The following ROR1 variants were observed in gnomAD, a reference collection of about 807,000 sequenced individuals.
The protein encoded by ROR1 is ROR family WNT receptor 1, also known as inactive tyrosine-protein kinase transmembrane receptor ROR1.
In ROR1, 19 loss-of-function variants were observed where a neutral mutation model predicts 78.8. The ratio of observed to expected loss-of-function variants is 0.24; its 90% CI spans 0.17 to 0.35. ROR1 has a LOEUF of 0.35. Among genes scored for constraint, ROR1 ranks in the 10% least tolerant of loss-of-function variants. ROR1 has a pLI of 1.00. For missense variants in ROR1, 917 were observed against 1,177.8 expected (o/e 0.78, Z 3.24); for synonymous variants, 386 against 433.6 (o/e 0.89, Z 1.36).
chr1:64,131,539 G>A (rs965417485), intron 4 of ROR1, among the ~76,000 whole-genome samples: 1 of 55,060 alleles, frequency 1.8e-5, no homozygotes, highest in Non-Finnish European at 3.4e-5. Context: ...TGGCCCTTGT[G>A]TAAATGATAT....
chr1:63,830,200 G>C (rs1188900305), intron 1 of ROR1, among the ~76,000 whole-genome samples: 2 of 152,132 alleles, frequency 1.3e-5, no homozygotes, highest in Admixed American at 1.3e-4. Flanking sequence ...GTCCCAGAGA[G>C]TGTCACAGTA....
intron 1 of ROR1, among the ~76,000 whole-genome samples, chr1:63,860,739 A>G (rs922197500): frequency 2.7e-5 from 4 of 149,142 alleles, no homozygotes; most frequent in Non-Finnish European, 5.9e-5. Context: ...ACTGCACTCC[A>G]GCCTGGGCAA....
At chr1:63,980,707 A>G (rs1009403853) in intron 1 of ROR1, among the ~76,000 whole-genome samples, 2 of 152,214 alleles carry the variant, frequency 1.3e-5, no homozygotes, top group Non-Finnish European at 2.9e-5. Context: ...ACCTTAGAAA[A>G]TAGGGCTTGG....
chr1:64,081,168 C>T (rs915314937), intron 4 of ROR1, among the ~76,000 whole-genome samples: 12 of 152,170 alleles, frequency 7.9e-5, no homozygotes, highest in African/African-American at 2.4e-4. Flanking sequence ...TGAGATTTCC[C>T]TTCTCATCCC....
At chr1:64,163,681 G>A (rs527407223) in intron 8 of ROR1, among the ~76,000 whole-genome samples, 49 of 152,132 alleles carry the variant, frequency 3.2e-4, no homozygotes, top group Middle Eastern at 3.4e-3. Context: ...TCATCTCTCC[G>A]TTTTCCTTTC....
At chr1:63,930,904 A>G (rs1300658424) in intron 1 of ROR1, among the ~76,000 whole-genome samples, 1 of 152,184 alleles carries the variant, frequency 6.6e-6, no homozygotes. Context: ...AATGTTAACT[A>G]TCCATCCTCA....
chr1:64,172,865 A>G (rs1650278667), intron 8 of ROR1, among the ~76,000 whole-genome samples: 1 of 152,232 alleles, frequency 6.6e-6, no homozygotes, highest in African/African-American at 2.4e-5. Flanking sequence ...TTACTAAAAT[A>G]TAATTTACAA....
chr1:64,021,162 C>G (rs59111973), intron 2 of ROR1, among the ~76,000 whole-genome samples: 4,846 of 152,182 alleles, frequency 0.032, 275 homozygotes, highest in African/African-American at 0.11. Flanking sequence ...TCTGTGGGCC[C>G]AAAGTCAGAC....
chr1:64,174,361 C>G (rs1339481817), intron 8 of ROR1, among the ~76,000 whole-genome samples: 1 of 152,092 alleles, frequency 6.6e-6, no homozygotes, highest in Non-Finnish European at 1.5e-5. Flanking sequence ...TTATCTGGCA[C>G]AAAGTAAGTG....
intron 4 of ROR1, among the ~76,000 whole-genome samples, chr1:64,067,263 T>A (rs1407429305): frequency 6.6e-6 from 1 of 151,554 alleles, no homozygotes; most frequent in Non-Finnish European, 1.5e-5. Context: ...TGTGGGAGGA[T>A]CATGAGCCCA....
chr1:64,070,715 C>G (rs530106869), intron 4 of ROR1, among the ~76,000 whole-genome samples: 1 of 152,300 alleles, frequency 6.6e-6, no homozygotes, highest in African/African-American at 2.4e-5. Context: ...AGTGATGGAG[C>G]AGCCACTGTG....
At chr1:63,858,681 C>T (rs962958268) in intron 1 of ROR1, among the ~76,000 whole-genome samples, 4 of 152,100 alleles carry the variant, frequency 2.6e-5, no homozygotes, top group Non-Finnish European at 5.9e-5. Context: ...GTATTTTCTT[C>T]ACTTCCCTGA....
intron 1 of ROR1, among the ~76,000 whole-genome samples, chr1:64,004,818 C>G (rs550884841): frequency 1.3e-5 from 2 of 152,214 alleles, no homozygotes; most frequent in South Asian, 2.1e-4. Context: ...AATACCAAAA[C>G]CTTATGGTTT....
intron 1 of ROR1, among the ~76,000 whole-genome samples, chr1:63,851,816 C>T (rs1046441985): frequency 6.6e-6 from 1 of 152,192 alleles, no homozygotes; most frequent in Non-Finnish European, 1.5e-5. Flanking sequence ...TGTAAATAAT[C>T]CTATAATCCT....
At chr1:64,130,682 T>A (rs558647477) in intron 4 of ROR1, among the ~76,000 whole-genome samples, 1 of 152,228 alleles carries the variant, frequency 6.6e-6, no homozygotes, top group Non-Finnish European at 1.5e-5. Context: ...TAGGTTGGAA[T>A]AGGAGGTAAC....
Position 64,034,069 on chromosome 1 carries a change from A to C in ROR1, c.164-15622A>C, listed in dbSNP as rs141724768. 1.4e-3 allele frequency among the ~76,000 whole-genome samples: 215 copies of C among 152,266 alleles called. 2 individuals are homozygous for C. Among genetic ancestry groups the C allele is most frequent in the East Asian group, 3.5e-3 (18 of 5,184 alleles). Reference sequence around the variant, plus strand: ...CAAGTAGGGATGCTGGTTGGCTCATAGTTTACTTCTTGAAGACTTCTAATT... The same window carrying C: ...CAAGTAGGGATGCTGGTTGGCTCATCGTTTACTTCTTGAAGACTTCTAATT... On this transcript the variant is annotated intron_variant, in intron 2 of 8. Transcript: ENST00000371079.
intron 2 of ROR1, among the ~76,000 whole-genome samples, chr1:64,016,958 C>T (rs1646525907): frequency 6.6e-6 from 1 of 151,776 alleles, no homozygotes; most frequent in Non-Finnish European, 1.5e-5. Flanking sequence ...TATTCTGTCG[C>T]CCAGGCTGGA....
intron 1 of ROR1, among the ~76,000 whole-genome samples, chr1:63,877,201 T>C (rs750414662): frequency 2.0e-5 from 3 of 152,144 alleles, no homozygotes; most frequent in Non-Finnish European, 4.4e-5. Flanking sequence ...TTAATAACTT[T>C]GCCCAGAGTT....
intron 8 of ROR1, among the ~76,000 whole-genome samples, chr1:64,163,327 AG>A (rs1171031951): frequency 6.6e-6 from 1 of 151,538 alleles, no homozygotes; most frequent in Non-Finnish European, 1.5e-5. Context: ...CTGAGGTGGG[AG>A]GATTACTTGA....
Sources: gnomAD v4.1 joint callset for allele counts (sites outside exome capture counted in the v4.1 genomes callset) on GRCh38, gnomAD v4.1.1 for gene constraint, MANE v1.5 for transcripts, NCBI Gene and HGNC (gene_info 2026-07-23, HGNC 2026-07-21) for gene names.